The following TRAP1 variants were observed in gnomAD, a reference collection of about 807,000 sequenced individuals.
The protein encoded by TRAP1 is heat shock protein 75 kDa, mitochondrial.
Under a neutral mutation model 89.1 loss-of-function variants are expected in TRAP1, and 102 were observed. That is an observed-to-expected ratio of 1.15 (90% confidence interval 0.98 to 1.35). TRAP1 has a LOEUF of 1.35. TRAP1 is among the 40% of genes most tolerant of loss of function. The probability of loss-of-function intolerance (pLI) is 0.00; values close to 1 mark genes in which losing one functional copy is unlikely to be tolerated. For missense variants in TRAP1, 1,256 were observed against 945.3 expected, an observed-to-expected ratio of 1.33 and a Z score of -4.31; for synonymous variants, 508 against 388.0, an observed-to-expected ratio of 1.31 and a Z score of -3.64.
intron 7 of TRAP1, 143 bp from the exon 8 acceptor site, chr16:3,675,540 A>G: frequency 1.4e-6 from 1 of 736,014 alleles, no homozygotes; most frequent in Non-Finnish European, 2.3e-6. Flanking sequence ...AACAGGGCAC[A>G]GTGGGGACAC....
intron 15 of TRAP1, 141 bp downstream of exon 15, chr16:3,662,741 C>A: frequency 2.6e-6 from 2 of 784,002 alleles, no homozygotes; most frequent in Non-Finnish European, 4.4e-6. Context: ...GAGCAGGGAC[C>A]CACAGGGTCT....
At chr16:3,683,094 G>A (rs576080310) in intron 4 of TRAP1, among the ~76,000 whole-genome samples, 5 of 151,962 alleles carry the variant, frequency 3.3e-5, no homozygotes, top group South Asian at 2.1e-4. Context: ...GCTTGAACCC[G>A]GGAGGCGGAG....
intron 5 of TRAP1, among the ~76,000 whole-genome samples, chr16:3,679,071 T>G (rs2051039614): frequency 6.6e-6 from 1 of 152,082 alleles, no homozygotes. Context: ...TAGTCACGCC[T>G]CAGGAGGCTG....
At chr16:3,710,473 A>C (rs1173648287) in intron 1 of TRAP1, 1 of 152,182 alleles carries the variant, frequency 6.6e-6, no homozygotes, top group Non-Finnish European at 1.5e-5. Context: ...AAAACAGAAG[A>C]CCAAACATTA....
intron 1 of TRAP1, among the ~76,000 whole-genome samples, chr16:3,717,011 C>A (rs1158945349): frequency 6.6e-6 from 1 of 152,232 alleles, no homozygotes; most frequent in East Asian, 1.9e-4. Context: ...AAAGCACGAT[C>A]CATGGAACTA....
chr16:3,699,784 TA>T (rs1256984543), intron 1 of TRAP1, among the ~76,000 whole-genome samples: 2 of 151,822 alleles, frequency 1.3e-5, no homozygotes, highest in African/African-American at 4.8e-5. Flanking sequence ...CTTCCTGCTT[TA>T]CTCTCCTGAA....
chr16:3,708,117 G>A (rs2051475971), intron 1 of TRAP1, among the ~76,000 whole-genome samples: 1 of 151,936 alleles, frequency 6.6e-6, no homozygotes, highest in African/African-American at 2.4e-5. Context: ...AGTATCACTT[G>A]AGTCCAGGAG....
chr16:3,713,229 C>A (rs913001168), intron 1 of TRAP1, among the ~76,000 whole-genome samples: 2 of 152,090 alleles, frequency 1.3e-5, no homozygotes, highest in African/African-American at 4.8e-5. Context: ...ACACAAGACA[C>A]GGAAATCAAA....
Position 3,676,156 on chromosome 16 carries a change from C to T in TRAP1, c.705-11G>A. 1 of 1,611,028 alleles carries T rather than the reference C, an allele frequency of 6.2e-7. No individual in the cohort carries two copies. The highest frequency in any genetic ancestry group is 1.1e-5 in the South Asian group (1 of 90,736). ...TCAAACACTCCAGAACTAAGGCAGG[C>T]AAAGAAAGGAAAAGCCAGGTGGATG... On this transcript the variant is annotated splice_polypyrimidine_tract_variant and intron_variant, in intron 6 of 17. Coordinates refer to ENST00000246957, the MANE Select transcript of TRAP1 (RefSeq NM_016292.3).
chr16:3,715,204 C>T lies in TRAP1; in HGVS notation c.88+2217G>A, dbSNP rs59788347. ...TTGTAATCCCAGCACTTTGGGAGGC[C>T]GAAGTGGGCGGATCACGAGGTCAGG... On this transcript the variant is annotated intron_variant, in intron 1 of 17. Coordinates refer to ENST00000246957, the MANE Select transcript of TRAP1 (RefSeq NM_016292.3). Among the ~76,000 whole-genome samples, 63 of 152,214 alleles carry T rather than the reference C, an allele frequency of 4.1e-4. 2 individuals are homozygous for T. The East Asian group carries it at 0.011, about 27-fold the overall frequency.
chr16:3,669,851 AAAAAAAAAAG>A, intron 11 of TRAP1, among the ~76,000 whole-genome samples: 1 of 96,542 alleles, frequency 1.0e-5, no homozygotes, highest in Non-Finnish European at 1.9e-5. Flanking sequence ...AAAAAAAAAA[AAAAAAAAAAG>A]ATTTCAGAAC....
rs984264954 is a variant in TRAP1, at chr16:3,658,826, G to C, written c.1980C>G (p.Ser660Arg). Residue 660 changes from serine to arginine, a missense_variant, in exon 17 of 18, where the codon AGC becomes AGG. Transcript: ENST00000246957. Reference protein sequence around the residue: ...LIKKLNQLRASEPGLAQLLVD... With the variant: ...LIKKLNQLRAREPGLAQLLVD... ...CCAGCAGCTGAGCCAGGCCAGGCTC[G>C]CTTGCGCGCAGCTGATTCAGCTTCT... The C allele has an allele frequency of 6.8e-6, 11 of 1,613,836 alleles. No homozygotes were observed. Among genetic ancestry groups the C allele is most frequent in the Admixed American group, 1.7e-5 (1 of 59,996 alleles).
In TRAP1 at chr16:3,710,857, GTA is replaced by G. The variant is rs377592883; in HGVS notation, c.88+6562_88+6563del. Among the ~76,000 whole-genome samples the G allele has an allele frequency of 4.8e-3, 650 of 135,630 alleles. 6 individuals carry two copies. The highest frequency in any genetic ancestry group is 6.7e-3 in the Non-Finnish European group (436 of 65,292). 89.0% of individuals were successfully genotyped at this position (135,630 alleles called of 152,430 possible). A position where few individuals can be genotyped will look rare whatever the true frequency, so the allele number is the denominator to read the frequency against. ...ATTAATTTCTTTTATATGTGTGTGT[GTA>G]TATATATATATATATATATATTTTT... On this transcript the variant is annotated intron_variant, in intron 1 of 17. Coordinates refer to ENST00000246957, the MANE Select transcript of TRAP1 (RefSeq NM_016292.3).
chr16:3,706,507 T>C (rs2051448990), intron 1 of TRAP1, among the ~76,000 whole-genome samples: 1 of 146,384 alleles, frequency 6.8e-6, no homozygotes, highest in Non-Finnish European at 1.5e-5. Flanking sequence ...TTGACCAGGC[T>C]GAAGTGCAGT....
intron 2 of TRAP1, among the ~76,000 whole-genome samples, 160 bp downstream of exon 2, chr16:3,690,667 G>T (rs1344163331): frequency 6.6e-6 from 1 of 152,220 alleles, no homozygotes; most frequent in Non-Finnish European, 1.5e-5. Context: ...CCCTCGCTGG[G>T]ACAGAAATGG....
intron 1 of TRAP1, among the ~76,000 whole-genome samples, chr16:3,703,938 G>A (rs1285041781): frequency 6.7e-6 from 1 of 149,546 alleles, no homozygotes; most frequent in African/African-American, 2.6e-5. Flanking sequence ...TGGAGTGAAC[G>A]CGGGAGGCGG....
chr16:3,666,311 G>C (rs1212909178), intron 11 of TRAP1, among the ~76,000 whole-genome samples, 193 bp from the exon 12 acceptor site: 1 of 152,146 alleles, frequency 6.6e-6, no homozygotes, highest in Admixed American at 6.6e-5. Flanking sequence ...GGAGGCAGCA[G>C]GGTGGAGGGC....
chr16:3,672,319 G>A (rs1409734920), intron 10 of TRAP1, among the ~76,000 whole-genome samples: 1 of 152,032 alleles, frequency 6.6e-6, no homozygotes, highest in Non-Finnish European at 1.5e-5. Context: ...AGCAAGACTC[G>A]TCTCAAAAAA....
At position 3,708,497 on chromosome 16, in the gene TRAP1, C is replaced by T. The variant is rs536529549; in HGVS notation, c.88+8924G>A. ...ACTAAAAATACAAAAATTAGCCGGG[C>T]GTGGTGACGGGTGCCTGTAGTCCCA... is the stretch of plus-strand genomic sequence containing the variant. On this transcript the variant is annotated intron_variant, in intron 1 of 17. Coordinates refer to ENST00000246957, the MANE Select transcript of TRAP1 (RefSeq NM_016292.3). Among the ~76,000 whole-genome samples, 9 of 151,894 alleles carry T rather than the reference C, an allele frequency of 5.9e-5. No individual in the cohort carries two copies. In the East Asian group the frequency reaches 1.6e-3, roughly 26 times the overall value.
Sources: gnomAD v4.1 joint callset for allele counts (sites outside exome capture counted in the v4.1 genomes callset) on GRCh38, gnomAD v4.1.1 for gene constraint, MANE v1.5 for transcripts, NCBI Gene and HGNC (gene_info 2026-07-23, HGNC 2026-07-21) for gene names.